EVA1C: variants seen among roughly 807,000 people sequenced by gnomAD.
EVA1C encodes protein eva-1 homolog C.
EVA1C carries 25 observed loss-of-function variants against 45.4 expected under a neutral mutation model. The observed-to-expected ratio is 0.55, with a 90% confidence interval of 0.40 to 0.77. EVA1C has a LOEUF of 0.77. Among genes scored for constraint, EVA1C ranks in the 30% least tolerant of loss-of-function variants. The pLI, the probability that EVA1C is intolerant of heterozygous loss-of-function variation, is 0.00. For missense variants in EVA1C, 479 were observed against 554.8 expected, an observed-to-expected ratio of 0.86 and a Z score of 1.37; for synonymous variants, 190 against 221.2, an observed-to-expected ratio of 0.86 and a Z score of 1.25.
intron 2 of EVA1C, among the ~76,000 whole-genome samples, chr21:32,456,745 C>G (rs1328445132): frequency 6.6e-6 from 1 of 152,126 alleles, no homozygotes; most frequent in African/African-American, 2.4e-5. Flanking sequence ...GACCCAAGTT[C>G]AGGACCTCTG....
At chr21:32,485,370 T>C (rs1189666060) in intron 4 of EVA1C, among the ~76,000 whole-genome samples, 1 of 152,204 alleles carries the variant, frequency 6.6e-6, no homozygotes, top group Non-Finnish European at 1.5e-5. Flanking sequence ...GGTTTCGCCA[T>C]GTTGGCCAGG....
In EVA1C at chr21:32,515,228, G is replaced by T; in HGVS notation, c.*38G>T. 2 of 1,527,822 alleles carry T rather than the reference G, an allele frequency of 1.3e-6. No individual in the cohort carries two copies. The highest frequency in any genetic ancestry group is 1.8e-6 in the Non-Finnish European group (2 of 1,135,210). 94.6% of individuals were successfully genotyped at this position (1,527,822 alleles called of 1,614,324 possible). On this transcript the variant is annotated 3_prime_UTR_variant, in exon 8 of 8. Coordinates refer to ENST00000300255, the MANE Select transcript of EVA1C (RefSeq NM_058187.5). The stretch of plus-strand genomic sequence containing the variant: ...TCTTGATGCGATCGCACTTTCTGAA[G>T]AAGGAAGGATCCCAAATGCCCCTCC...
chr21:32,442,610 C>T (rs898993283), intron 1 of EVA1C, among the ~76,000 whole-genome samples: 2 of 140,524 alleles, frequency 1.4e-5, no homozygotes, highest in Non-Finnish European at 3.1e-5. Context: ...TTTGTGAATA[C>T]AAGGGTGTGG....
Position 32,467,905 on chromosome 21 carries a change from A to AATATATATAT in EVA1C, c.634+64_634+73dup, listed in dbSNP as rs34623485. The AATATATATAT allele has an allele frequency of 1.8e-4, 181 of 1,025,446 alleles. No individual in the cohort carries two copies. In the African/African-American group the frequency reaches 3.0e-3, roughly 17 times the overall value. The allele number at this position is 1,025,446 out of a possible 1,614,324, so 63.5% of individuals were successfully genotyped here. ...TTCTCTAGAGGGACAGAATTAATAG[A>AATATATATAT]ATATATATATATATATCCTATATAT... On this transcript the variant is annotated intron_variant, in intron 4 of 7. Transcript: ENST00000300255.
rs1317799119 is a variant in EVA1C, at chr21:32,412,935, C to A, written c.82C>A (p.Pro28Thr). The A allele has an allele frequency of 2.6e-6, 4 of 1,538,278 alleles. No homozygotes were observed. The African/African-American group carries it at 5.7e-5, about 22-fold the overall frequency. Residue 28 changes from proline (P) to threonine (T), a missense_variant, in exon 1 of 8, where the codon CCG becomes ACG. Physicochemically the swap from Pro to Thr is conservative, Grantham distance 38. Around this residue, in one of 3 missense-constraint regions of EVA1C, gnomAD observed 80 missense variants for 63.8 expected, o/e 1.25. Coordinates refer to ENST00000300255, the MANE Select transcript of EVA1C (RefSeq NM_058187.5). The stretch of plus-strand genomic sequence containing the variant: ...CGGCCTCCGCCGGCAGGTAGAGCCG[C>A]CGGGGCAGCTCCTGCGCCTCTTCTA... ...HPGLRRQVEP[P>T]GQLLRLFYCT... is the part of the protein sequence containing the mutation.
At chr21:32,439,994 T>C (rs1782826743) in intron 1 of EVA1C, among the ~76,000 whole-genome samples, 1 of 152,164 alleles carries the variant, frequency 6.6e-6, no homozygotes, top group African/African-American at 2.4e-5. Context: ...TTGATCATCC[T>C]ACACATCCTC....
intron 1 of EVA1C, among the ~76,000 whole-genome samples, chr21:32,427,929 T>C (rs2034554733): frequency 6.6e-6 from 1 of 152,080 alleles, no homozygotes; most frequent in South Asian, 2.1e-4. Flanking sequence ...AGTTGTTTTC[T>C]TCCCTGGACC....
At chr21:32,504,597 TC>T (rs2037662681) in intron 7 of EVA1C, among the ~76,000 whole-genome samples, 1 of 152,220 alleles carries the variant, frequency 6.6e-6, no homozygotes, top group South Asian at 2.1e-4. Flanking sequence ...GTACAATTTT[TC>T]CTCACCACCC....
chr21:32,448,537 C>T (rs940648764), intron 1 of EVA1C, among the ~76,000 whole-genome samples: 6 of 152,064 alleles, frequency 3.9e-5, no homozygotes, highest in African/African-American at 1.4e-4. Context: ...GTAATGCTAT[C>T]CTGGGGCCGA....
intron 3 of EVA1C, 136 bp downstream of exon 3, chr21:32,457,856 C>G (rs1397404390): frequency 1.0e-6 from 1 of 959,508 alleles, no homozygotes; most frequent in Non-Finnish European, 1.6e-6. Context: ...CTCCATCCTA[C>G]CCAGTTTTTT....
chr21:32,435,373 G>A (rs113742218), intron 1 of EVA1C, among the ~76,000 whole-genome samples: 346 of 140,000 alleles, frequency 2.5e-3, no homozygotes, highest in Middle Eastern at 3.9e-3. Context: ...TCTCCTAAAT[G>A]TCTGCCTTCC....
At chr21:32,437,234 C>G (rs1045970279) in intron 1 of EVA1C, among the ~76,000 whole-genome samples, 4 of 152,340 alleles carry the variant, frequency 2.6e-5, no homozygotes, top group African/African-American at 9.6e-5. Flanking sequence ...AACAGCAGAG[C>G]ATTAAGCCAA....
At chr21:32,444,091 C>CACACTA (rs1555855221) in intron 1 of EVA1C, among the ~76,000 whole-genome samples, 1 of 146,282 alleles carries the variant, frequency 6.8e-6, no homozygotes, top group East Asian at 2.0e-4. Flanking sequence ...CACACACACA[C>CACACTA]AAACTCAAAG....
At chr21:32,457,766 G>A (rs369000775) in intron 3 of EVA1C, 46 bp downstream of exon 3, 63 of 1,609,888 alleles carry the variant, frequency 3.9e-5, no homozygotes, top group Admixed American at 1.5e-4. Context: ...TGTGGTTCTC[G>A]TTTCCTTCAC....
At chr21:32,425,334 CAAA>C (rs60224656) in intron 1 of EVA1C, among the ~76,000 whole-genome samples, 2 of 57,766 alleles carry the variant, frequency 3.5e-5, no homozygotes, top group Non-Finnish European at 3.3e-5. Flanking sequence ...GACTCCATCT[CAAA>C]AAAAAAAAAA....
rs1568893937 is a variant in EVA1C at position 32,448,912 on chromosome 21, A to AAAAGAAAGAAAGAAAG, written c.161-4395_161-4394insAAGAAAGAAAGAAAGA. Among the ~76,000 whole-genome samples the AAAAGAAAGAAAGAAAG allele has an allele frequency of 3.7e-3, 155 of 41,512 alleles. No homozygotes were observed. In the African/African-American group the frequency reaches 0.054, roughly 14 times the overall value. 27.2% of individuals were successfully genotyped at this position (41,512 alleles called of 152,430 possible). Reference sequence around the variant, plus strand: ...TGACAAAGAAAAAAAAAGAAAGGAGAAAAGAGAGAAAGAAAGAAAGAGAGA... The same window carrying AAAAGAAAGAAAGAAAG: ...TGACAAAGAAAAAAAAAGAAAGGAGAAAAGAAAGAAAGAAAGAAAGAGAGAAAGAAAGAAAGAGAGA... On this transcript the variant is annotated intron_variant, in intron 1 of 7. Transcript: ENST00000300255.
intron 4 of EVA1C, among the ~76,000 whole-genome samples, chr21:32,478,979 G>A (rs1025502815): frequency 6.6e-6 from 1 of 152,278 alleles, no homozygotes; most frequent in Non-Finnish European, 1.5e-5. Flanking sequence ...CGGCACTTAA[G>A]CAGCCAGCCT....
rs1486223671 is a variant in EVA1C, at chr21:32,495,066, G to A, written c.674G>A (p.Arg225Lys). 5.0e-6 allele frequency: 8 copies of A among 1,614,130 alleles called. No individual in the cohort carries two copies. Among genetic ancestry groups the A allele is most frequent in the Non-Finnish European group, 6.8e-6 (8 of 1,180,024 alleles). ...SYSALQVLSR[R>K]CYGKQRCKII... ...TCAGCTTTGCAAGTCCTATCCCGAA[G>A]GTGCTATGGGAAGCAGAGATGCAAA... is the stretch of plus-strand genomic sequence containing the variant. Residue 225 changes from arginine (R) to lysine (K), a missense_variant, in exon 5 of 8, where the codon AGG becomes AAG. Arg to Lys is a conservative substitution (Grantham distance 26). Transcript: ENST00000300255.
In EVA1C at chr21:32,453,505, C is replaced by G. The variant is rs765540243; in HGVS notation, c.354C>G (p.Phe118Leu). The change falls in exon 2 of 8, where the codon TTC (phenylalanine) becomes TTG (leucine). Residue 118 changes from phenylalanine (F) to leucine (L), a missense_variant. Phe to Leu is a conservative substitution (Grantham distance 22, BLOSUM62 0). Coordinates refer to ENST00000300255, the MANE Select transcript of EVA1C (RefSeq NM_058187.5). ...DSLTCVAATT[F>L]QKVLDECQNQ... ...TAACCTGTGTGGCAGCCACCACCTT[C>G]CAGGTATTGCCTTTTGTAGACATGT... 1.9e-6 allele frequency: 3 copies of G among 1,599,900 alleles called. No homozygotes were observed. In the East Asian group the frequency reaches 6.7e-5, roughly 36 times the overall value.
Sources: allele counts gnomAD v4.1 joint callset (sites outside exome capture counted in the v4.1 genomes callset), GRCh38; gene constraint gnomAD v4.1.1; regional missense constraint gnomAD v4.1.1; transcripts MANE v1.5; gene names NCBI Gene and HGNC (gene_info 2026-07-23, HGNC 2026-07-21).